PTGER3: variants seen among roughly 807,000 people sequenced by gnomAD.
The protein encoded by PTGER3 is prostaglandin E receptor 3.
In PTGER3, 22 loss-of-function variants were observed where a neutral mutation model predicts 34.7. The ratio of observed to expected loss-of-function variants is 0.63; its 90% CI spans 0.45 to 0.91. PTGER3 has a LOEUF of 0.91. PTGER3 is among the 40% of genes least tolerant of loss of function. The probability of loss-of-function intolerance (pLI) is 0.00; values close to 1 mark genes in which losing one functional copy is unlikely to be tolerated. For synonymous variants in PTGER3, 241 were observed against 230.1 expected (o/e 1.05, Z -0.43); for missense variants, 468 against 519.4 (o/e 0.90, Z 0.96).
chr1:70,958,993 A>G (rs1234254677), intron 2 of PTGER3, among the ~76,000 whole-genome samples: 1 of 152,146 alleles, frequency 6.6e-6, no homozygotes, highest in Non-Finnish European at 1.5e-5. Flanking sequence ...CTGTAAATGC[A>G]TGAATTTATT....
At chr1:71,009,978 A>T (rs1030920204) in intron 2 of PTGER3, 2 of 985,076 alleles carry the variant, frequency 2.0e-6, no homozygotes, top group African/African-American at 3.5e-5. Context: ...ACGAATGCCT[A>T]GATAATAAAA....
intron 4 of PTGER3, among the ~76,000 whole-genome samples, chr1:70,893,243 G>A (rs1472216836): frequency 2.0e-5 from 3 of 152,162 alleles, no homozygotes; most frequent in Non-Finnish European, 4.4e-5. Flanking sequence ...GGTAGATACT[G>A]GTATCTCCAT....
intron 2 of PTGER3, among the ~76,000 whole-genome samples, chr1:70,994,764 A>G (rs924305669): frequency 1.1e-4 from 17 of 152,062 alleles, no homozygotes; most frequent in Non-Finnish European, 2.2e-4. Context: ...CCAAAACTTA[A>G]TTTTTATAAA....
At chr1:70,968,186 G>A (rs1652723378), downstream of PTGER3, among the ~76,000 whole-genome samples, 1 of 152,182 alleles carries the variant, frequency 6.6e-6, no homozygotes, top group Admixed American at 6.5e-5. Flanking sequence ...GGCTGGAGTA[G>A]GCAGCAGTTC....
intron 4 of PTGER3, chr1:70,886,136 C>A (rs1646494398): frequency 3.8e-6 from 1 of 264,654 alleles, no homozygotes; most frequent in Non-Finnish European, 8.0e-6. Flanking sequence ...ATAACTGGGT[C>A]ATGAAGGTGA....
intron 4 of PTGER3, among the ~76,000 whole-genome samples, chr1:70,872,842 G>A (rs1646191791): frequency 6.6e-6 from 1 of 152,164 alleles, no homozygotes; most frequent in Admixed American, 6.5e-5. Flanking sequence ...CATCATCTGA[G>A]ATGTAGTCAT....
rs112255885 is a variant in PTGER3 at position 70,953,324 on chromosome 1, C to G, written c.1105-265G>C. The stretch of plus-strand genomic sequence containing the variant: ...GGGAAGGTGGTCATGTAACTAATCC[C>G]CAGTGGATACCGAGGAACAACCATA... On this transcript the variant is annotated intron_variant, in intron 3 of 3. Transcript: ENST00000356595. Among the ~76,000 whole-genome samples the G allele has an allele frequency of 6.8e-4, 103 of 152,130 alleles. 1 individual carries two copies. Among genetic ancestry groups the G allele is most frequent in the African/African-American group, 2.3e-3 (97 of 41,496 alleles).
chr1:71,024,984 T>C (rs1202141037), intron 1 of PTGER3, among the ~76,000 whole-genome samples: 2 of 152,032 alleles, frequency 1.3e-5, no homozygotes, highest in African/African-American at 4.8e-5. Flanking sequence ...TGTATACATG[T>C]GCCATGTTGG....
chr1:70,957,549 T>C (rs1331543807), intron 2 of PTGER3, among the ~76,000 whole-genome samples: 1 of 152,216 alleles, frequency 6.6e-6, no homozygotes, highest in Non-Finnish European at 1.5e-5. Flanking sequence ...TTTCTTCCTT[T>C]TTAAAATTTA....
chr1:70,901,369 T>A (rs1251115251), intron 4 of PTGER3, among the ~76,000 whole-genome samples: 1 of 152,086 alleles, frequency 6.6e-6, no homozygotes, highest in Non-Finnish European at 1.5e-5. Context: ...CAACCAAGAG[T>A]TTATTTGGGC....
At chr1:70,930,645 G>C (rs1207089789) in intron 4 of PTGER3, among the ~76,000 whole-genome samples, 1 of 152,140 alleles carries the variant, frequency 6.6e-6, no homozygotes, top group Non-Finnish European at 1.5e-5. Flanking sequence ...GCAGTGGCAA[G>C]AGAAAATGAG....
intron 4 of PTGER3, among the ~76,000 whole-genome samples, chr1:70,882,286 T>C (rs569939782): frequency 7.2e-5 from 11 of 152,326 alleles, no homozygotes; most frequent in African/African-American, 2.4e-4. Flanking sequence ...TGCTGCACTC[T>C]TGGCTGAGTT....
At chr1:70,863,692 A>AT (rs11378106) in intron 4 of PTGER3, among the ~76,000 whole-genome samples, 33,495 of 148,372 alleles carry the variant, frequency 0.23, 3,941 homozygotes, top group Admixed American at 0.36. Flanking sequence ...TAGCAAATGG[A>AT]TTTTTTTTTT....
intron 4 of PTGER3, among the ~76,000 whole-genome samples, chr1:70,909,253 C>T (rs1647012546): frequency 6.6e-6 from 1 of 152,132 alleles, no homozygotes; most frequent in Non-Finnish European, 1.5e-5. Flanking sequence ...TCTTGCAAAG[C>T]CCAGAGAGCT....
At chr1:70,981,380 TTTCTTTCTTTCTTTCCTTCCTTCC>T (rs1202226263) in intron 2 of PTGER3, among the ~76,000 whole-genome samples, 2,010 of 66,212 alleles carry the variant, frequency 0.03, 24 homozygotes, top group East Asian at 0.059. Flanking sequence ...TCTTTCTTTC[TTTCTTTCTTTCTTTCCTTCCTTCC>T]TTCCTTCCTT....
At chr1:71,034,684 T>G (rs1213314997) in intron 1 of PTGER3, among the ~76,000 whole-genome samples, 2 of 152,244 alleles carry the variant, frequency 1.3e-5, no homozygotes, top group Non-Finnish European at 2.9e-5. Flanking sequence ...GGAGGACAGA[T>G]TCTGACTCAG....
chr1:71,008,455 A>G lies in PTGER3; in HGVS notation c.1077+3850T>C, dbSNP rs971196835. 4.4e-6 allele frequency: 4 copies of G among 899,172 alleles called. No individual in the cohort carries two copies. In the African/African-American group the frequency reaches 7.2e-5, roughly 16 times the overall value. 55.7% of individuals were successfully genotyped at this position (899,172 alleles called of 1,614,324 possible). ...TTTTAGGAATTATAAAAGGGAATAT[A>G]TCAAATAAAATATTTTCCCTAATTC... On this transcript the variant is annotated intron_variant, in intron 2 of 3. Coordinates refer to ENST00000306666, the MANE Select transcript of PTGER3 (RefSeq NM_198719.2).
At chr1:70,864,069 G>C (rs939951895) in intron 4 of PTGER3, among the ~76,000 whole-genome samples, 1 of 152,004 alleles carries the variant, frequency 6.6e-6, no homozygotes, top group Non-Finnish European at 1.5e-5. Context: ...CAGACACAGG[G>C]AACTAAAAAT....
intron 1 of PTGER3, among the ~76,000 whole-genome samples, chr1:71,015,400 T>C (rs1204091656): frequency 6.6e-6 from 1 of 152,192 alleles, no homozygotes; most frequent in African/African-American, 2.4e-5. Context: ...CTGCAAGCAA[T>C]TGAACAAAGT....
Sources: allele counts gnomAD v4.1 joint callset (sites outside exome capture counted in the v4.1 genomes callset), GRCh38; gene constraint gnomAD v4.1.1; transcripts MANE v1.5; gene names NCBI Gene and HGNC (gene_info 2026-07-23, HGNC 2026-07-21).